SRGAP1: variants seen among roughly 807,000 people sequenced by gnomAD.
The protein encoded by SRGAP1 is SLIT-ROBO Rho GTPase activating protein 1.
In SRGAP1, 43 loss-of-function variants were observed where a neutral mutation model predicts 121.9. The ratio of observed to expected loss-of-function variants is 0.35; its 90% confidence interval spans 0.28 to 0.46. The LOEUF (loss-of-function observed/expected upper bound fraction) is 0.46, where lower values mean the gene tolerates loss of function less well. Among genes scored for constraint, SRGAP1 ranks in the 20% least tolerant of loss-of-function variants. SRGAP1 has a pLI of 1.00. For synonymous variants in SRGAP1, 447 were observed against 485.4 expected, an observed-to-expected ratio of 0.92 and a Z score of 1.04; for missense variants, 1,102 against 1,350.9, an observed-to-expected ratio of 0.82 and a Z score of 2.89.
chr12:64,114,641 G>A (rs1214677928), intron 17 of SRGAP1, among the ~76,000 whole-genome samples: 3 of 152,160 alleles, frequency 2.0e-5, no homozygotes, highest in Admixed American at 6.5e-5. Context: ...GTGAGCCACC[G>A]TGCCTGGCCT....
intron 3 of SRGAP1, among the ~76,000 whole-genome samples, chr12:64,009,789 T>C (rs2034198870): frequency 6.6e-6 from 1 of 152,144 alleles, no homozygotes; most frequent in Admixed American, 6.6e-5. Context: ...GTAAAGTAGA[T>C]CATGAAACTA....
chr12:63,893,814 C>A (rs1469690729), intron 1 of SRGAP1, among the ~76,000 whole-genome samples: 1 of 152,106 alleles, frequency 6.6e-6, no homozygotes, highest in Non-Finnish European at 1.5e-5. Flanking sequence ...AGTTCTTTTG[C>A]ATGTTAAGAA....
chr12:63,932,774 G>T (rs1437104062), intron 1 of SRGAP1, among the ~76,000 whole-genome samples: 1 of 152,188 alleles, frequency 6.6e-6, no homozygotes, highest in East Asian at 1.9e-4. Flanking sequence ...ACAAGAGAAA[G>T]GAGACTGCGT....
chr12:64,035,908 C>T (rs2034893423), intron 4 of SRGAP1, among the ~76,000 whole-genome samples: 1 of 152,132 alleles, frequency 6.6e-6, no homozygotes, highest in Non-Finnish European at 1.5e-5. Flanking sequence ...TAGACACTGT[C>T]AAGAATCATA....
intron 3 of SRGAP1, among the ~76,000 whole-genome samples, chr12:64,010,412 C>A (rs2034218364): frequency 6.6e-6 from 1 of 152,064 alleles, no homozygotes; most frequent in African/African-American, 2.4e-5. Context: ...GGGGGTAAGA[C>A]TGGATAGGGT....
chr12:63,907,364 C>G (rs1426130757), intron 1 of SRGAP1, among the ~76,000 whole-genome samples: 1 of 151,922 alleles, frequency 6.6e-6, no homozygotes, highest in Admixed American at 6.6e-5. Context: ...TAGTGAAACC[C>G]CATCTCTACT....
At chr12:64,085,508 G>C (rs529539666) in intron 10 of SRGAP1, among the ~76,000 whole-genome samples, 1 of 152,172 alleles carries the variant, frequency 6.6e-6, no homozygotes, top group South Asian at 2.1e-4. Context: ...CAACCTAAAT[G>C]GTGGTGACTC....
intron 1 of SRGAP1, among the ~76,000 whole-genome samples, chr12:63,909,924 A>G (rs866975357): frequency 2.0e-5 from 3 of 152,176 alleles, no homozygotes; most frequent in Admixed American, 6.5e-5. Flanking sequence ...AATGAGGCCC[A>G]CCCACATTAT....
At chr12:63,958,406 G>A (rs79673549) in intron 1 of SRGAP1, among the ~76,000 whole-genome samples, 1,698 of 152,256 alleles carry the variant, frequency 0.011, 8 homozygotes, top group Middle Eastern at 0.017. Context: ...TTACCAAAAG[G>A]CTGTGTCCCA....
intron 1 of SRGAP1, among the ~76,000 whole-genome samples, chr12:63,968,262 A>G (rs889691091): frequency 6.6e-6 from 1 of 152,238 alleles, no homozygotes; most frequent in African/African-American, 2.4e-5. Context: ...ATGGTAGGCC[A>G]TAGGGAAAAT....
chr12:63,855,308 CACTT>C (rs1035344341), intron 1 of SRGAP1, among the ~76,000 whole-genome samples: 5 of 151,950 alleles, frequency 3.3e-5, no homozygotes, highest in African/African-American at 9.7e-5. Context: ...ACATAATTTC[CACTT>C]ACTTAACCAG....
At chr12:63,936,015 G>T (rs61933137) in intron 1 of SRGAP1, among the ~76,000 whole-genome samples, 4,652 of 152,202 alleles carry the variant, frequency 0.031, 112 homozygotes, top group Middle Eastern at 0.068. Context: ...TTTAATAGTG[G>T]TTATCTCCTC....
chr12:64,095,403 A>T (rs1335092152), intron 14 of SRGAP1, among the ~76,000 whole-genome samples, 199 bp downstream of exon 14: 2 of 152,220 alleles, frequency 1.3e-5, no homozygotes, highest in Non-Finnish European at 2.9e-5. Flanking sequence ...AAATTAGAAA[A>T]GCATATGAGC....
intron 21 of SRGAP1, among the ~76,000 whole-genome samples, chr12:64,128,830 G>A (rs989596743): frequency 4.6e-5 from 7 of 152,206 alleles, no homozygotes; most frequent in African/African-American, 1.7e-4. Context: ...CTTCCCAACA[G>A]TGACTGCAGA....
chr12:63,980,699 T>C (rs534302549), intron 1 of SRGAP1, among the ~76,000 whole-genome samples: 2 of 151,852 alleles, frequency 1.3e-5, no homozygotes, highest in African/African-American at 4.8e-5. Context: ...GTTCAAGCAA[T>C]TCTCGGGACT....
At chr12:63,932,121 C>CA (rs896914873) in intron 1 of SRGAP1, among the ~76,000 whole-genome samples, 257 of 148,952 alleles carry the variant, frequency 1.7e-3, no homozygotes, top group African/African-American at 4.7e-3. Flanking sequence ...ACTAAAAATA[C>CA]AAAAAAAAAA....
intron 18 of SRGAP1, among the ~76,000 whole-genome samples, chr12:64,124,272 A>G (rs2036652976): frequency 6.6e-6 from 1 of 152,256 alleles, no homozygotes; most frequent in African/African-American, 2.4e-5. Context: ...AGAATTTCTC[A>G]TGCAATGATT....
In SRGAP1 at chr12:64,156,655, C is replaced by T. The variant is rs1401867518; in HGVS notation, c.*13983C>T. The T allele has an allele frequency of 6.6e-6, 1 of 152,154 alleles. No individual in the cohort carries two copies. Among genetic ancestry groups the T allele is most frequent in the Non-Finnish European group, 1.5e-5 (1 of 68,034 alleles). The allele number at this position is 152,154 out of a possible 1,614,324, so 9.4% of individuals were successfully genotyped here. ...AATCTATTAATCTAGCCTTATTACACCGAGTACAACAGGGAATAATAAGCC... is the reference window on the plus strand; with the variant it reads ...AATCTATTAATCTAGCCTTATTACATCGAGTACAACAGGGAATAATAAGCC... On this transcript the variant is annotated 3_prime_UTR_variant, in exon 22 of 22. Transcript: ENST00000355086.
chr12:63,868,072 T>TG (rs1899714709), intron 1 of SRGAP1, among the ~76,000 whole-genome samples: 6 of 98,072 alleles, frequency 6.1e-5, no homozygotes, highest in South Asian at 3.6e-4. Flanking sequence ...TTTTTTTTTT[T>TG]TTTTTTGTTT....
Sources: gnomAD v4.1 joint callset for allele counts (sites outside exome capture counted in the v4.1 genomes callset) on GRCh38, gnomAD v4.1.1 for gene constraint, MANE v1.5 for transcripts, NCBI Gene and HGNC (gene_info 2026-07-23, HGNC 2026-07-21) for gene names.